WDR72: variants seen among roughly 807,000 people sequenced by gnomAD.
The protein encoded by WDR72 is WD repeat domain 72, also known as WD repeat-containing protein 72.
Under a neutral mutation model 124.2 loss-of-function variants are expected in WDR72, and 120 were observed. The ratio of observed to expected loss-of-function variants is 0.97; its 90% CI spans 0.83 to 1.12. WDR72 has a LOEUF of 1.12. WDR72 is among the 50% of genes most tolerant of loss of function. The pLI, the probability that WDR72 is intolerant of heterozygous loss-of-function variation, is 0.00. For synonymous variants in WDR72, 452 were observed against 441.7 expected (o/e 1.02, Z -0.29); for missense variants, 1,387 against 1,278.8 (o/e 1.08, Z -1.29).
chr15:53,691,652 T>C (rs540605729), intron 13 of WDR72, among the ~76,000 whole-genome samples: 44,432 of 143,818 alleles, frequency 0.31, 6,827 homozygotes, highest in East Asian at 0.34. Flanking sequence ...GATAGATAGA[T>C]AGATAGATAG....
chr15:53,713,135 T>C (rs1011582342), intron 6 of WDR72, among the ~76,000 whole-genome samples: 2 of 149,984 alleles, frequency 1.3e-5, no homozygotes, highest in Non-Finnish European at 2.9e-5. Context: ...CAAACCTGCG[T>C]ATGTACTCCT....
intron 18 of WDR72, among the ~76,000 whole-genome samples, chr15:53,549,467 A>G (rs1179844528): frequency 1.3e-5 from 2 of 152,238 alleles, no homozygotes; most frequent in African/African-American, 4.8e-5. Flanking sequence ...ACCCTGCCGA[A>G]TAGATGCGTG....
At chr15:53,690,673 T>C (rs690560) in intron 13 of WDR72, among the ~76,000 whole-genome samples, 147,118 of 152,270 alleles carry the variant, frequency 0.97, 71,265 homozygotes, top group East Asian at 1. Flanking sequence ...ATTTGTTAGA[T>C]TAACAGGAGA....
rs1246407094 is a variant in WDR72 at position 53,714,436 on chromosome 15, G to A, written c.589C>T (p.Gln197Ter). Residue 197 changes from glutamine (Q) to a stop codon, truncating the protein, a stop_gained and splice_region_variant, in exon 6 of 20, where the codon CAG (glutamine) becomes TAG (stop). Transcript: ENST00000360509. LOFTEE classifies it high-confidence loss of function. ...WDLSSSINSI[Q>*]EKQDVYEKES... ...AAGAGTAGGGTTCCCAAGCCAACCT[G>A]AATGCTGTTGATAGATGAGGAAAGA... The A allele has an allele frequency of 1.2e-6, 2 of 1,613,240 alleles. No homozygotes were observed. The highest frequency in any genetic ancestry group is 1.7e-5 in the Admixed American group (1 of 59,970).
At chr15:53,574,090 A>G (rs897412837) in intron 18 of WDR72, among the ~76,000 whole-genome samples, 2 of 152,174 alleles carry the variant, frequency 1.3e-5, no homozygotes, top group Admixed American at 1.3e-4. Context: ...CTCTTGATGT[A>G]TGACAGGGAA....
At chr15:53,726,612 C>T (rs1468121285) in intron 2 of WDR72, among the ~76,000 whole-genome samples, 1 of 151,974 alleles carries the variant, frequency 6.6e-6, no homozygotes, top group African/African-American at 2.4e-5. Context: ...CAGGCAGAGG[C>T]AAGAGGATCA....
chr15:53,748,624 CTTAG>C (rs1406987024), intron 1 of WDR72, among the ~76,000 whole-genome samples: 2 of 152,250 alleles, frequency 1.3e-5, no homozygotes, highest in East Asian at 3.9e-4. Flanking sequence ...TCCCAGCACT[CTTAG>C]TTGATGATCC....
At chr15:53,659,608 G>A (rs1236197935) in intron 14 of WDR72, among the ~76,000 whole-genome samples, 1 of 151,432 alleles carries the variant, frequency 6.6e-6, no homozygotes, top group Non-Finnish European at 1.5e-5. Context: ...GTTCCTCATA[G>A]TTTTCTTCAT....
In WDR72 at chr15:53,515,086, T is replaced by TGTATAC. The variant is rs34023014; in HGVS notation, c.*2612_*2613insGTATAC. On this transcript the variant is annotated 3_prime_UTR_variant, in exon 20 of 20. Coordinates refer to ENST00000360509, the MANE Select transcript of WDR72 (RefSeq NM_182758.4). ...ATATACACACATATATATGTATGTATACACACACACACACACACACAAATA... is the reference window on the plus strand; with the variant it reads ...ATATACACACATATATATGTATGTATGTATACACACACACACACACACACACAAATA... 43 of 87,216 alleles carry TGTATAC rather than the reference T, an allele frequency of 4.9e-4. No individual in the cohort carries two copies. Among genetic ancestry groups the TGTATAC allele is most frequent in the East Asian group, 1.0e-3 (3 of 2,860 alleles). The allele number at this position is 87,216 out of a possible 1,614,324, so 5.4% of individuals were successfully genotyped here.
At chr15:53,655,778 T>G (rs1376291837) in intron 14 of WDR72, among the ~76,000 whole-genome samples, 1 of 152,094 alleles carries the variant, frequency 6.6e-6, no homozygotes, top group East Asian at 1.9e-4. Context: ...CTGCAACTTC[T>G]GCCTCCCAGG....
intron 14 of WDR72, among the ~76,000 whole-genome samples, chr15:53,637,785 T>C (rs184036878): frequency 7.6e-4 from 116 of 152,300 alleles, no homozygotes; most frequent in African/African-American, 2.6e-3. Context: ...CTTCAACTCT[T>C]TAGCAATGAC....
chr15:53,714,102 T>C (rs1028218900), intron 6 of WDR72, among the ~76,000 whole-genome samples: 1 of 151,950 alleles, frequency 6.6e-6, no homozygotes, highest in Non-Finnish European at 1.5e-5. Context: ...TGTTCACATA[T>C]ACTCAGAAAA....
In WDR72 at chr15:53,616,057, T is replaced by G; in HGVS notation, c.2149A>C (p.Lys717Gln). ...FYGGEVLRRA[K>Q]STVEKKTLTL... is the part of the protein sequence containing the mutation. The stretch of plus-strand genomic sequence containing the variant: ...AGTGTCTTCTTCTCCACTGTGCTCT[T>G]GGCTCTTCTCAGGACCTCACCACCA... The change falls in exon 15 of 20, where the codon AAG becomes CAG. Residue 717 changes from lysine to glutamine, a missense_variant. Physicochemically the swap from Lys to Gln is moderately conservative, Grantham distance 53. Transcript: ENST00000360509. 6.2e-7 allele frequency: 1 copy of G among 1,612,072 alleles called. No homozygotes were observed. Among genetic ancestry groups the G allele is most frequent in the Non-Finnish European group, 8.5e-7 (1 of 1,178,822 alleles).
chr15:53,554,293 T>G (rs11070990), intron 18 of WDR72, among the ~76,000 whole-genome samples: 35,475 of 151,980 alleles, frequency 0.23, 4,122 homozygotes, highest in South Asian at 0.27. Context: ...GAGTAAAAAT[T>G]GTTTTGAACC....
rs190131433 is a variant in WDR72, at chr15:53,733,403, A to T, written c.-12-242T>A. Among the ~76,000 whole-genome samples the T allele has an allele frequency of 2.3e-3, 347 of 152,288 alleles. 2 individuals carry two copies. Among genetic ancestry groups the T allele is most frequent in the South Asian group, 3.9e-3 (19 of 4,830 alleles). ...TCTTCGAATTCCTTATTATTGTTGA[A>T]GAGAAAGAAAGGAATGGTCTATTCA... On this transcript the variant is annotated intron_variant, in intron 1 of 19. Coordinates refer to ENST00000360509, the MANE Select transcript of WDR72 (RefSeq NM_182758.4).
chr15:53,591,357 T>C (rs939042435), intron 18 of WDR72, among the ~76,000 whole-genome samples: 1 of 152,008 alleles, frequency 6.6e-6, no homozygotes, highest in Non-Finnish European at 1.5e-5. Flanking sequence ...AAGTGATGCA[T>C]AAAGATGTAT....
At chr15:53,521,095 A>ATGACAAGTGAC (rs1406887667) in intron 19 of WDR72, among the ~76,000 whole-genome samples, 1 of 152,014 alleles carries the variant, frequency 6.6e-6, no homozygotes, top group Non-Finnish European at 1.5e-5. Context: ...AAGATCTGAC[A>ATGACAAGTGAC]TGACAAGTGA....
At chr15:53,552,665 G>C (rs533780261) in intron 18 of WDR72, among the ~76,000 whole-genome samples, 2 of 152,076 alleles carry the variant, frequency 1.3e-5, no homozygotes, top group South Asian at 2.1e-4. Flanking sequence ...AAATAATGAA[G>C]TGGCTTAAAA....
intron 18 of WDR72, among the ~76,000 whole-genome samples, chr15:53,540,010 C>A (rs1892986034): frequency 6.6e-6 from 1 of 151,758 alleles, no homozygotes; most frequent in Non-Finnish European, 1.5e-5. Context: ...GGAATGCAAA[C>A]CAAAGAGCAA....
Sources: allele counts gnomAD v4.1 joint callset (sites outside exome capture counted in the v4.1 genomes callset), GRCh38; gene constraint gnomAD v4.1.1; transcripts MANE v1.5; gene names NCBI Gene and HGNC (gene_info 2026-07-23, HGNC 2026-07-21).